BCAS3: variants seen among roughly 807,000 people sequenced by gnomAD.
BCAS3 encodes the protein BCAS3 microtubule associated cell migration factor, also known as BCAS4/BCAS3 fusion.
In BCAS3, 53 loss-of-function variants were observed where a neutral mutation model predicts 116.1. That is an observed-to-expected ratio of 0.46 (90% CI 0.37 to 0.57). The LOEUF (loss-of-function observed/expected upper bound fraction) is 0.57. Ranked by LOEUF, BCAS3 falls within the 20% of genes least tolerant of loss-of-function variation. The pLI, the probability that BCAS3 is intolerant of heterozygous loss-of-function variation, is 0.00. For synonymous variants in BCAS3, 391 were observed against 408.2 expected (o/e 0.96, Z 0.51); for missense variants, 917 against 1,165.4 (o/e 0.79, Z 3.10).
intron 7 of BCAS3, among the ~76,000 whole-genome samples, chr17:60,827,587 G>A (rs1356131232): frequency 6.6e-6 from 1 of 152,110 alleles, no homozygotes; most frequent in East Asian, 1.9e-4. Flanking sequence ...GAGGTATATG[G>A]AAATATGATG....
chr17:61,250,918 G>A (rs1464283792), intron 22 of BCAS3, among the ~76,000 whole-genome samples: 1 of 152,168 alleles, frequency 6.6e-6, no homozygotes, highest in African/African-American at 2.4e-5. Context: ...AAGGTTTTAT[G>A]ACTTGTGGGT....
chr17:61,238,123 G>A (rs1456134980), intron 22 of BCAS3, among the ~76,000 whole-genome samples: 1 of 152,118 alleles, frequency 6.6e-6, no homozygotes, highest in East Asian at 1.9e-4. Flanking sequence ...CACAATCTTG[G>A]CTCACTGCAA....
At chr17:61,000,380 T>G (rs1486907464) in intron 15 of BCAS3, among the ~76,000 whole-genome samples, 1 of 152,188 alleles carries the variant, frequency 6.6e-6, no homozygotes, top group Non-Finnish European at 1.5e-5. Flanking sequence ...TCAGACTTCC[T>G]GGTGGTAGAA....
At chr17:60,769,426 C>A (rs1050432154) in intron 6 of BCAS3, among the ~76,000 whole-genome samples, 17 of 152,168 alleles carry the variant, frequency 1.1e-4, no homozygotes, top group African/African-American at 7.2e-5. Context: ...TGGGCTTTGT[C>A]TTTGAAGCAC....
chr17:60,788,844 C>T (rs2046511007), intron 6 of BCAS3, among the ~76,000 whole-genome samples: 1 of 152,014 alleles, frequency 6.6e-6, no homozygotes, highest in African/African-American at 2.4e-5. Flanking sequence ...GCACAACAAC[C>T]TTGACAGAAT....
intron 7 of BCAS3, among the ~76,000 whole-genome samples, chr17:60,819,679 A>C (rs762812333): frequency 6.6e-6 from 1 of 152,172 alleles, no homozygotes; most frequent in Non-Finnish European, 1.5e-5. Flanking sequence ...TAAATAAAAT[A>C]ACACATGTGG....
At chr17:60,788,420 G>A (rs1429025408) in intron 6 of BCAS3, among the ~76,000 whole-genome samples, 1 of 152,158 alleles carries the variant, frequency 6.6e-6, no homozygotes, top group Non-Finnish European at 1.5e-5. Flanking sequence ...GATTATCAAA[G>A]TGAAATAGAA....
chr17:60,821,585 A>G (rs561884146), intron 7 of BCAS3: 2 of 152,316 alleles, frequency 1.3e-5, no homozygotes, highest in East Asian at 1.9e-4. Context: ...TGCGTTTTCT[A>G]AAGTTTTATA....
At chr17:60,713,846 G>A (rs903327423) in intron 5 of BCAS3, among the ~76,000 whole-genome samples, 1 of 152,092 alleles carries the variant, frequency 6.6e-6, no homozygotes, top group Non-Finnish European at 1.5e-5. Context: ...TTTGTTGTTT[G>A]TTTTTGAGAC....
intron 21 of BCAS3, among the ~76,000 whole-genome samples, chr17:61,080,676 C>T (rs2072512117): frequency 6.6e-6 from 1 of 152,134 alleles, no homozygotes; most frequent in African/African-American, 2.4e-5. Flanking sequence ...AGGAGAATTG[C>T]TTGAACACAG....
intron 6 of BCAS3, among the ~76,000 whole-genome samples, chr17:60,787,113 G>A (rs920889976): frequency 6.6e-6 from 1 of 151,942 alleles, no homozygotes; most frequent in Non-Finnish European, 1.5e-5. Context: ...TATATTATTT[G>A]CCACTAAACA....
chr17:61,306,119 AG>A (rs2053837187), intron 22 of BCAS3, among the ~76,000 whole-genome samples: 1 of 152,200 alleles, frequency 6.6e-6, no homozygotes, highest in Non-Finnish European at 1.5e-5. Context: ...CCAACAGTTG[AG>A]AAAAACATGA....
Position 61,269,117 on chromosome 17 carries a change from CT to C in BCAS3, c.2426-99196del, listed in dbSNP as rs796111045. ...TCTCTTAGAAATTGTATTTTCTTTT[CT>C]TTTTTTTTTTTTTGAAATGGAGTTT... is the stretch of plus-strand genomic sequence containing the variant. On this transcript the variant is annotated intron_variant, in intron 22 of 23. Transcript: ENST00000407086. 5.6e-3 allele frequency among the ~76,000 whole-genome samples: 790 copies of C among 140,152 alleles called. 1 individual carries two copies. Among genetic ancestry groups the C allele is most frequent in the Non-Finnish European group, 8.3e-3 (532 of 63,784 alleles). 91.9% of individuals were successfully genotyped at this position (140,152 alleles called of 152,430 possible). A position where few individuals can be genotyped will look rare whatever the true frequency, so the allele number is the denominator to read the frequency against.
intron 6 of BCAS3, among the ~76,000 whole-genome samples, chr17:60,788,534 T>C (rs2046481743): frequency 6.6e-6 from 1 of 152,166 alleles, no homozygotes; most frequent in Admixed American, 6.5e-5. Context: ...GAGGCTAAAA[T>C]GTGCACACAT....
chr17:60,858,994 C>T (rs1283575310), intron 7 of BCAS3, among the ~76,000 whole-genome samples: 1 of 152,036 alleles, frequency 6.6e-6, no homozygotes, highest in Non-Finnish European at 1.5e-5. Flanking sequence ...TTATTATGAA[C>T]ACCTTTATTT....
rs541751739 is a variant in BCAS3 at position 60,864,351 on chromosome 17, AC to A, written c.477-4223del. Among the ~76,000 whole-genome samples the A allele has an allele frequency of 5.1e-4, 78 of 152,342 alleles. 1 individual carries two copies. The highest frequency in any genetic ancestry group is 1.8e-3 in the African/African-American group (76 of 41,568). ...ATTTCATCAGCTTTAGCTGGGTTAG[AC>A]CTAAGAAGGAACTTCTGACCACAGA... On this transcript the variant is annotated intron_variant, in intron 7 of 23. Transcript: ENST00000407086.
intron 22 of BCAS3, among the ~76,000 whole-genome samples, chr17:61,254,051 A>G (rs2048572092): frequency 6.6e-6 from 1 of 152,212 alleles, no homozygotes; most frequent in Non-Finnish European, 1.5e-5. Flanking sequence ...CTGGGACCCT[A>G]CTTAAAACCC....
chr17:61,313,907 G>A lies in BCAS3; in HGVS notation c.2426-54420G>A, dbSNP rs1009272264. ...TCTCCTCCACCAGCCCCACTCGCCC[G>A]GCCCCATACTTAGTGCTGGCTCCAG... is the stretch of plus-strand genomic sequence containing the variant. On this transcript the variant is annotated intron_variant, in intron 22 of 23. Coordinates refer to ENST00000407086, the MANE Select transcript of BCAS3 (RefSeq NM_017679.5). The surrounding 1 kb of genome is among the most constrained non-coding windows in gnomAD (Gnocchi z 4.3). Among the ~76,000 whole-genome samples, 11 of 152,308 alleles carry A rather than the reference G, an allele frequency of 7.2e-5. No individual in the cohort carries two copies. The highest frequency in any genetic ancestry group is 2.1e-4 in the South Asian group (1 of 4,822).
Position 60,787,802 on chromosome 17 carries a change from G to T in BCAS3, c.404-20202G>T, listed in dbSNP as rs1163939503. 2.6e-5 allele frequency among the ~76,000 whole-genome samples: 4 copies of T among 152,060 alleles called. No individual in the cohort carries two copies. In the South Asian group the frequency reaches 8.3e-4, roughly 31 times the overall value. On this transcript the variant is annotated intron_variant, in intron 6 of 23. Coordinates refer to ENST00000407086, the MANE Select transcript of BCAS3 (RefSeq NM_017679.5). Reference sequence around the variant, plus strand: ...GGAAGTGCAGCATTACTGAGGCAGGGGTGTGTTTGACATACTCCAGTATGG... The same window carrying T: ...GGAAGTGCAGCATTACTGAGGCAGGTGTGTGTTTGACATACTCCAGTATGG...
Sources: gnomAD v4.1 joint callset for allele counts (sites outside exome capture counted in the v4.1 genomes callset) on GRCh38, gnomAD v4.1.1 for gene constraint, Gnocchi (gnomAD v3.1) non-coding constraint, MANE v1.5 for transcripts, NCBI Gene and HGNC (gene_info 2026-07-23, HGNC 2026-07-21) for gene names.